Variants in TTC28 observed in about 807,000 individuals in gnomAD.
The protein encoded by TTC28 is tetratricopeptide repeat protein 28.
TTC28 carries 61 observed loss-of-function variants against 198.0 expected under a neutral mutation model. That is an observed-to-expected ratio of 0.31 (90% CI 0.25 to 0.38). The LOEUF (loss-of-function observed/expected upper bound fraction) is 0.38, where lower values mean the gene tolerates loss of function less well. TTC28 is among the 10% of genes least tolerant of loss of function. TTC28 has a pLI of 1.00. For missense variants in TTC28, 2,678 were observed against 3,164.0 expected (o/e 0.85, Z 3.69); for synonymous variants, 1,171 against 1,297.8 (o/e 0.90, Z 2.10).
chr22:28,180,636 A>G (rs1452796614), intron 5 of TTC28, among the ~76,000 whole-genome samples: 1 of 151,856 alleles, frequency 6.6e-6, no homozygotes, highest in Non-Finnish European at 1.5e-5. Context: ...GATCTCTCCC[A>G]TTTTAGGATT....
intron 5 of TTC28, among the ~76,000 whole-genome samples, chr22:28,230,859 A>G (rs925355130): frequency 2.0e-5 from 3 of 152,216 alleles, no homozygotes; most frequent in Admixed American, 6.5e-5. Flanking sequence ...ACCTAATAGG[A>G]AGTCTAACCT....
At chr22:28,554,509 T>G (rs1362554019) in intron 2 of TTC28, among the ~76,000 whole-genome samples, 1 of 151,930 alleles carries the variant, frequency 6.6e-6, no homozygotes, top group Non-Finnish European at 1.5e-5. Flanking sequence ...CAAACACAAA[T>G]GCATCAACAA....
intron 1 of TTC28, among the ~76,000 whole-genome samples, chr22:28,637,879 C>T (rs532106760): frequency 4.6e-5 from 7 of 151,988 alleles, no homozygotes; most frequent in Non-Finnish European, 8.8e-5. Context: ...AGATATTCCA[C>T]GCAAAATGGA....
At chr22:28,134,096 A>T (rs1225377241) in intron 6 of TTC28, among the ~76,000 whole-genome samples, 1 of 152,210 alleles carries the variant, frequency 6.6e-6, no homozygotes, top group African/African-American at 2.4e-5. Context: ...ATCCAGGCAA[A>T]CAGGGTCTGG....
At chr22:28,374,553 G>A (rs563573635) in intron 2 of TTC28, among the ~76,000 whole-genome samples, 5 of 152,290 alleles carry the variant, frequency 3.3e-5, no homozygotes, top group African/African-American at 1.2e-4. Context: ...TGATCTAGTT[G>A]TGACTCTGTC....
At chr22:28,388,739 G>A (rs1412282032) in intron 2 of TTC28, among the ~76,000 whole-genome samples, 1 of 152,106 alleles carries the variant, frequency 6.6e-6, no homozygotes, top group African/African-American at 2.4e-5. Context: ...AGGAGATTTT[G>A]GGCTGAGACA....
intron 2 of TTC28, among the ~76,000 whole-genome samples, chr22:28,382,298 A>C (rs1415105937): frequency 6.6e-6 from 1 of 152,204 alleles, no homozygotes; most frequent in Non-Finnish European, 1.5e-5. Flanking sequence ...AATAAAAATT[A>C]TGACAACTAT....
chr22:28,159,841 A>G lies in TTC28; in HGVS notation c.1441+3251T>C, dbSNP rs555427897. Among the ~76,000 whole-genome samples the G allele has an allele frequency of 2.0e-5, 3 of 152,316 alleles. No homozygotes were observed. The East Asian group carries it at 5.8e-4, about 29-fold the overall frequency. On this transcript the variant is annotated intron_variant, in intron 6 of 22. Coordinates refer to ENST00000397906, the MANE Select transcript of TTC28 (RefSeq NM_001145418.2). ...TGTCCATCAACAGATGAACAGATAA[A>G]GAAAATGTGGTACATATACACAATG... is the stretch of plus-strand genomic sequence containing the variant.
At chr22:28,452,488 GA>G (rs1296534628) in intron 2 of TTC28, among the ~76,000 whole-genome samples, 1 of 149,788 alleles carries the variant, frequency 6.7e-6, no homozygotes, top group African/African-American at 2.5e-5. Flanking sequence ...TCCTCGAGGA[GA>G]AAACAGATCA....
chr22:28,468,080 GAT>G (rs1491385307), intron 2 of TTC28, among the ~76,000 whole-genome samples: 2 of 151,966 alleles, frequency 1.3e-5, no homozygotes, highest in African/African-American at 4.8e-5. Context: ...GCCCATAAGA[GAT>G]TTTTTTATTT....
At chr22:28,480,180 C>T (rs995244417) in intron 2 of TTC28, among the ~76,000 whole-genome samples, 1 of 152,160 alleles carries the variant, frequency 6.6e-6, no homozygotes, top group African/African-American at 2.4e-5. Context: ...AACAAGAGTG[C>T]TCCTACAAGC....
In TTC28 at chr22:27,978,527, G is replaced by C. The variant is rs191381129; in HGVS notation, c.*3694C>G. ...GCAGAATCGGCACGGGCCAGGGACC[G>C]GCTGCAGTGATCATATGCTGGAGCG... is the stretch of plus-strand genomic sequence containing the variant. On this transcript the variant is annotated 3_prime_UTR_variant, in exon 23 of 23. Coordinates refer to ENST00000397906, the MANE Select transcript of TTC28 (RefSeq NM_001145418.2). 4 of 152,276 alleles carry C rather than the reference G, an allele frequency of 2.6e-5. No individual in the cohort carries two copies. The highest frequency in any genetic ancestry group is 4.4e-5 in the Non-Finnish European group (3 of 68,078). The allele number at this position is 152,276 out of a possible 1,614,324, so 9.4% of individuals were successfully genotyped here.
chr22:28,273,849 A>G (rs76525309), intron 5 of TTC28, among the ~76,000 whole-genome samples: 10,736 of 152,214 alleles, frequency 0.071, 546 homozygotes, highest in Non-Finnish European at 0.098. Flanking sequence ...GAATAGAGGG[A>G]AAAAGATACT....
chr22:28,571,317 A>G (rs1371555476), intron 2 of TTC28, among the ~76,000 whole-genome samples: 2 of 152,224 alleles, frequency 1.3e-5, no homozygotes, highest in Admixed American at 6.5e-5. Context: ...ATAATTACAC[A>G]TGAAATTACA....
intron 21 of TTC28, among the ~76,000 whole-genome samples, chr22:27,989,145 C>T (rs567049269): frequency 6.6e-6 from 1 of 152,168 alleles, no homozygotes; most frequent in East Asian, 1.9e-4. Flanking sequence ...TACAGGTACA[C>T]AGCAATATGT....
intron 2 of TTC28, among the ~76,000 whole-genome samples, chr22:28,376,243 C>A (rs2046407185): frequency 1.3e-5 from 2 of 152,178 alleles, no homozygotes; most frequent in African/African-American, 4.8e-5. Context: ...GGCTCCTGAT[C>A]CTAGTTGCTC....
intron 2 of TTC28, among the ~76,000 whole-genome samples, chr22:28,547,200 G>A (rs932181737): frequency 2.0e-5 from 3 of 150,994 alleles, no homozygotes; most frequent in Non-Finnish European, 2.9e-5. Context: ...CTGCATGTGT[G>A]TATGTGTGTG....
chr22:27,983,769 G>T lies in TTC28; in HGVS notation c.5898C>A (p.Asn1966Lys). The change falls in exon 23 of 23, where the codon AAC (asparagine) becomes AAA (lysine). Residue 1966 changes from asparagine (N) to lysine (K), a missense_variant. Asn to Lys is a moderately conservative substitution (Grantham distance 94). Coordinates refer to ENST00000397906, the MANE Select transcript of TTC28 (RefSeq NM_001145418.2). ...GTTGCTGGTAACCCAAGGGCAGGGCGTTGGAAACAGACTGAGCAGAAGCAA... is the reference window on the plus strand; with the variant it reads ...GTTGCTGGTAACCCAAGGGCAGGGCTTTGGAAACAGACTGAGCAGAAGCAA... ...ESLASAQSVSNALPLGYQQPP... is the reference protein window; with the variant it reads ...ESLASAQSVSKALPLGYQQPP... The T allele has an allele frequency of 6.4e-7, 1 of 1,551,708 alleles. No individual in the cohort carries two copies. Among genetic ancestry groups the T allele is most frequent in the African/African-American group, 1.4e-5 (1 of 73,162 alleles).
intron 1 of TTC28, among the ~76,000 whole-genome samples, chr22:28,654,369 C>G (rs2051610968): frequency 6.6e-6 from 1 of 152,130 alleles, no homozygotes; most frequent in Admixed American, 6.6e-5. Context: ...CGCTCTGTCA[C>G]CAGGCTGGAG....
Sources: gnomAD v4.1 joint callset for allele counts (sites outside exome capture counted in the v4.1 genomes callset) on GRCh38, gnomAD v4.1.1 for gene constraint, MANE v1.5 for transcripts, NCBI Gene and HGNC (gene_info 2026-07-23, HGNC 2026-07-21) for gene names.